The following LSM12 variants were observed in gnomAD, a reference collection of about 807,000 sequenced individuals.
LSM12 encodes LSM12 homolog, also known as protein LSM12.
For missense variants in LSM12, 108 were observed against 238.9 expected, an observed-to-expected ratio of 0.45 and a Z score of 3.61; for synonymous variants, 74 against 87.3, an observed-to-expected ratio of 0.85 and a Z score of 0.85.
At chr17:44,066,392 C>T (rs1399793624) in intron 1 of LSM12, 72 bp downstream of exon 1, 4 of 1,483,162 alleles carry the variant, frequency 2.7e-6, no homozygotes, top group African/African-American at 3.0e-5. Flanking sequence ...CAGCCGCCGC[C>T]GTCGTCCCCC....
At chr17:44,062,096 C>A (rs1361457287) in intron 2 of LSM12, among the ~76,000 whole-genome samples, 3 of 152,056 alleles carry the variant, frequency 2.0e-5, no homozygotes, top group Non-Finnish European at 4.4e-5. Flanking sequence ...GTGTCGGGCG[C>A]CTGTAGTCCC....
intron 2 of LSM12, among the ~76,000 whole-genome samples, chr17:44,043,458 A>G (rs2049521113): frequency 6.6e-6 from 1 of 152,114 alleles, no homozygotes; most frequent in Non-Finnish European, 1.5e-5. Flanking sequence ...TGTAGTTTCT[A>G]TGGAAAGAGC....
intron 2 of LSM12, among the ~76,000 whole-genome samples, chr17:44,059,195 TACACACAC>T (rs927202249): frequency 6.6e-6 from 1 of 151,640 alleles, no homozygotes; most frequent in East Asian, 1.9e-4. Flanking sequence ...CACACACACA[TACACACAC>T]ACACGAAACA....
upstream of LSM12, among the ~76,000 whole-genome samples, chr17:44,067,213 T>G (rs2049891867): frequency 6.6e-6 from 1 of 152,188 alleles, no homozygotes; most frequent in African/African-American, 2.4e-5. Flanking sequence ...GGCTGGAGGA[T>G]CTCTTGAACC....
chr17:44,039,984 G>C (rs2049466855), intron 3 of LSM12, among the ~76,000 whole-genome samples, 163 bp downstream of exon 3: 2 of 152,184 alleles, frequency 1.3e-5, no homozygotes, highest in Admixed American at 1.3e-4. Flanking sequence ...TGTGTGGAAA[G>C]GGGGCTACAG....
chr17:44,044,839 T>C (rs1038858899), intron 2 of LSM12, among the ~76,000 whole-genome samples: 16 of 152,230 alleles, frequency 1.1e-4, no homozygotes, highest in Admixed American at 7.9e-4. Flanking sequence ...TTAGCTGCTG[T>C]ACAAATCTAA....
intron 1 of LSM12, among the ~76,000 whole-genome samples, chr17:44,065,118 A>G (rs2049854273): frequency 6.8e-6 from 1 of 147,100 alleles, no homozygotes; most frequent in Non-Finnish European, 1.5e-5. Context: ...GGGCAATAAG[A>G]GTGAAACTCC....
intron 2 of LSM12, 133 bp downstream of exon 2, chr17:44,063,667 TA>T: frequency 1.9e-6 from 2 of 1,069,068 alleles, no homozygotes; most frequent in Non-Finnish European, 2.5e-6. Context: ...CTACATTTTT[TA>T]AAAAGATATC....
intron 1 of LSM12, among the ~76,000 whole-genome samples, chr17:44,065,673 G>A (rs990050211): frequency 3.3e-5 from 5 of 152,066 alleles, no homozygotes; most frequent in East Asian, 3.9e-4. Flanking sequence ...AAGGGAGGCT[G>A]CTACTACGTA....
At chr17:44,039,365 CTTT>C (rs35411238) in intron 3 of LSM12, among the ~76,000 whole-genome samples, 12 of 51,086 alleles carry the variant, frequency 2.3e-4, no homozygotes, top group East Asian at 5.5e-4. Context: ...AACAAAATGT[CTTT>C]TTTTTTTTTT....
intron 2 of LSM12, among the ~76,000 whole-genome samples, chr17:44,056,562 G>A (rs528561554): frequency 3.3e-5 from 5 of 151,794 alleles, no homozygotes; most frequent in Non-Finnish European, 7.4e-5. Context: ...GCATGATGGC[G>A]TGTGCCTGTG....
At chr17:44,052,955 T>C (rs181465415) in intron 2 of LSM12, among the ~76,000 whole-genome samples, 88 of 152,242 alleles carry the variant, frequency 5.8e-4, no homozygotes, top group African/African-American at 2.0e-3. Flanking sequence ...TACTGTTCTT[T>C]AATAGTATCT....
rs753815326 is a variant in LSM12, at chr17:44,037,554, A to G, written c.369-16T>C. ...GTCTTTAATGCTGGAAGGAGAAGACAGCAGGCGAAATGTAACCTCTTGGGG... is the reference window on the plus strand; with the variant it reads ...GTCTTTAATGCTGGAAGGAGAAGACGGCAGGCGAAATGTAACCTCTTGGGG... On this transcript the variant is annotated splice_polypyrimidine_tract_variant and intron_variant, in intron 3 of 4. Transcript: ENST00000293406. 4.4e-6 allele frequency: 7 copies of G among 1,599,484 alleles called. No individual in the cohort carries two copies. Among genetic ancestry groups the G allele is most frequent in the South Asian group, 3.4e-5 (3 of 88,236 alleles).
upstream of LSM12, chr17:44,066,716 G>T (rs1442700601): frequency 1.4e-5 from 16 of 1,168,010 alleles, no homozygotes; most frequent in Non-Finnish European, 2.2e-6. Context: ...GTGGCCTGGC[G>T]CTGGTTGGGG....
intron 1 of LSM12, among the ~76,000 whole-genome samples, 180 bp from the exon 2 acceptor site, chr17:44,064,114 C>T (rs2049836434): frequency 6.6e-6 from 1 of 152,182 alleles, no homozygotes; most frequent in Non-Finnish European, 1.5e-5. Flanking sequence ...TCCTCCTGCC[C>T]AAATCCTTGG....
At chr17:44,036,642 T>C (rs1444131879) in intron 4 of LSM12, among the ~76,000 whole-genome samples, 1 of 151,934 alleles carries the variant, frequency 6.6e-6, no homozygotes, top group African/African-American at 2.4e-5. Context: ...TACAGTCTTA[T>C]CAAACCTCCT....
At chr17:44,044,146 T>G (rs1567956802) in intron 2 of LSM12, among the ~76,000 whole-genome samples, 1 of 151,944 alleles carries the variant, frequency 6.6e-6, no homozygotes, top group Non-Finnish European at 1.5e-5. Context: ...AAACCAGGCA[T>G]CTATGCAGAA....
At chr17:44,054,482 G>A (rs920358147) in intron 2 of LSM12, among the ~76,000 whole-genome samples, 2 of 151,974 alleles carry the variant, frequency 1.3e-5, no homozygotes, top group African/African-American at 4.8e-5. Context: ...GGCTAATTTT[G>A]TATTTTTTGT....
At position 44,037,338 on chromosome 17, in the gene LSM12, T is replaced by G. The variant is rs931078924; in HGVS notation, c.495+74A>C. 12 of 1,482,834 alleles carry G rather than the reference T, an allele frequency of 8.1e-6. No homozygotes were observed. In the African/African-American group the frequency reaches 1.4e-4, roughly 18 times the overall value. The allele number at this position is 1,482,834 out of a possible 1,614,324, so 91.9% of individuals were successfully genotyped here. A position where few individuals can be genotyped will look rare whatever the true frequency, so the allele number is the denominator to read the frequency against. ...AGGCAGAGACTGTAGCACAATGTCCTGGTCTGGTGCTAAAGACTGAAGGCC... is the reference window on the plus strand; with the variant it reads ...AGGCAGAGACTGTAGCACAATGTCCGGGTCTGGTGCTAAAGACTGAAGGCC... On this transcript the variant is annotated intron_variant, in intron 4 of 4. Coordinates refer to ENST00000293406, the MANE Select transcript of LSM12 (RefSeq NM_001371445.1).
Sources: gnomAD v4.1 joint callset for allele counts (sites outside exome capture counted in the v4.1 genomes callset) on GRCh38, gnomAD v4.1.1 for gene constraint, MANE v1.5 for transcripts, NCBI Gene and HGNC (gene_info 2026-07-23, HGNC 2026-07-21) for gene names.